Variants in FAXDC2 observed in about 807,000 individuals in gnomAD.
FAXDC2 encodes the protein fatty acid hydroxylase domain-containing protein 2.
A neutral mutation model predicts 40.9 loss-of-function variants in FAXDC2; 41 were observed. That is an observed-to-expected ratio of 1.00 (90% CI 0.78 to 1.30). The LOEUF (loss-of-function observed/expected upper bound fraction) is 1.30, where lower values mean the gene tolerates loss of function less well. Among genes scored for constraint, FAXDC2 ranks in the 50% most tolerant of loss-of-function variants. The pLI, the probability that FAXDC2 is intolerant of heterozygous loss-of-function variation, is 0.00. For synonymous variants in FAXDC2, 157 were observed against 149.3 expected, an observed-to-expected ratio of 1.05 and a Z score of -0.38; for missense variants, 390 against 408.8, an observed-to-expected ratio of 0.95 and a Z score of 0.40.
intron 4 of FAXDC2, among the ~76,000 whole-genome samples, chr5:154,832,216 G>GATT (rs60418216): frequency 3.5e-4 from 47 of 134,946 alleles, no homozygotes; most frequent in Admixed American, 1.1e-3. Context: ...ATTTACTTTT[G>GATT]TTTTTTTTTT....
chr5:154,850,364 G>C (rs1177114643), intron 1 of FAXDC2, 119 bp downstream of exon 1: 1 of 152,276 alleles, frequency 6.6e-6, no homozygotes, highest in Non-Finnish European at 1.5e-5. Context: ...CCTGCCATAA[G>C]TAGAGAGGAC....
chr5:154,825,668 A>AAAAAAAAAAAAAAAG lies in FAXDC2; in HGVS notation c.367-2077_367-2076insCTTTTTTTTTTTTTT, dbSNP rs70981954. Among the ~76,000 whole-genome samples, 147 of 143,402 alleles carry AAAAAAAAAAAAAAAG rather than the reference A, an allele frequency of 1.0e-3. 3 individuals carry two copies. The highest frequency in any genetic ancestry group is 3.7e-3 in the African/African-American group (142 of 38,206). 94.1% of individuals were successfully genotyped at this position (143,402 alleles called of 152,430 possible). Reference sequence around the variant, plus strand: ...TCCGTCTCAAAAAAAAAAAAAAAAAAGCAGTAATATAGACAAGAGAAGATG... The same window carrying AAAAAAAAAAAAAAAG: ...TCCGTCTCAAAAAAAAAAAAAAAAAAAAAAAAAAAAAAAAGGCAGTAATATAGACAAGAGAAGATG... On this transcript the variant is annotated intron_variant, in intron 5 of 8. Coordinates refer to ENST00000326080, the MANE Select transcript of FAXDC2 (RefSeq NM_032385.5).
rs1759801572 is a variant in FAXDC2, at chr5:154,818,902, GCCT to G, written c.*1411_*1413del. ...AACTGTATTCAAGCTGAGGGCAAAA[GCCT>G]CCTAGGGAGGGAGCCAGGTCCACCA... On this transcript the variant is annotated 3_prime_UTR_variant, in exon 9 of 9. Coordinates refer to ENST00000326080, the MANE Select transcript of FAXDC2 (RefSeq NM_032385.5). 6.6e-6 allele frequency: 1 copy of G among 152,224 alleles called. No individual in the cohort carries two copies. Among genetic ancestry groups the G allele is most frequent in the African/African-American group, 2.4e-5 (1 of 41,448 alleles). 9.4% of individuals were successfully genotyped at this position (152,224 alleles called of 1,614,324 possible).
Position 154,834,685 on chromosome 5 carries a change from CT to C in FAXDC2, c.183del (p.Ala62ProfsTer7), listed in dbSNP as rs1204144078. The C allele has an allele frequency of 6.2e-7, 1 of 1,613,398 alleles. No homozygotes were observed. ...RFWGASGYFW[Q>X]AQWERLLTTF... The stretch of plus-strand genomic sequence containing the variant: ...GTAGTCAGCAGCCTCTCCCACTGGG[CT>C]TGCCAAAAGTAGCCAGAAGCACCCC... On this transcript the variant is annotated frameshift_variant, in exon 4 of 9. Transcript: ENST00000326080. LOFTEE classifies it high-confidence loss of function.
At chr5:154,824,423 G>A (rs183062158) in intron 5 of FAXDC2, 22 of 694,596 alleles carry the variant, frequency 3.2e-5, no homozygotes, top group Non-Finnish European at 4.2e-5. Context: ...GCCCCAAAGC[G>A]CGACAGGTTC....
At chr5:154,838,311 C>T in intron 1 of FAXDC2, 133 bp from the exon 2 acceptor site, 2 of 727,482 alleles carry the variant, frequency 2.7e-6, no homozygotes, top group Non-Finnish European at 4.6e-6. Context: ...GTTGTTCTTC[C>T]TGAAACCAGA....
intron 1 of FAXDC2, among the ~76,000 whole-genome samples, chr5:154,839,735 A>AATGT (rs1209720618): frequency 2.0e-5 from 3 of 152,228 alleles, no homozygotes; most frequent in Non-Finnish European, 4.4e-5. Flanking sequence ...GGACCATATG[A>AATGT]ATGTACTAGT....
chr5:154,848,708 T>C (rs1236584186), intron 1 of FAXDC2, among the ~76,000 whole-genome samples: 1 of 152,238 alleles, frequency 6.6e-6, no homozygotes, highest in African/African-American at 2.4e-5. Context: ...GGCTCGCATC[T>C]GTAATCCCAG....
At chr5:154,841,407 G>T (rs1284764987) in intron 1 of FAXDC2, among the ~76,000 whole-genome samples, 1 of 152,118 alleles carries the variant, frequency 6.6e-6, no homozygotes, top group Non-Finnish European at 1.5e-5. Context: ...TGGACTTGGG[G>T]GTTAGAGGGT....
chr5:154,842,528 T>G lies in FAXDC2; in HGVS notation c.1-4350A>C, dbSNP rs1002916502. On this transcript the variant is annotated intron_variant, in intron 1 of 8. Coordinates refer to ENST00000326080, the MANE Select transcript of FAXDC2 (RefSeq NM_032385.5). ...CCTTTGTGTGTTTTTTTTTTTTTTT[T>G]TTTTTTTTTTTTGAGACAGAGTCTC... is the stretch of plus-strand genomic sequence containing the variant. Among the ~76,000 whole-genome samples, 8 of 128,002 alleles carry G rather than the reference T, an allele frequency of 6.2e-5. No individual in the cohort carries two copies. In the East Asian group the frequency reaches 6.6e-4, roughly 11 times the overall value. The allele number at this position is 128,002 out of a possible 152,430, so 84.0% of individuals were successfully genotyped here.
At chr5:154,842,225 TCTCA>T (rs1413496614) in intron 1 of FAXDC2, among the ~76,000 whole-genome samples, 3 of 151,968 alleles carry the variant, frequency 2.0e-5, no homozygotes, top group Admixed American at 6.6e-5. Context: ...TGAGATGGAG[TCTCA>T]CTCTGTCACC....
chr5:154,825,893 A>G (rs1760022138), intron 5 of FAXDC2, among the ~76,000 whole-genome samples: 1 of 152,014 alleles, frequency 6.6e-6, no homozygotes, highest in Admixed American at 6.6e-5. Flanking sequence ...ATCCACTCAG[A>G]TTGGGGAGGT....
intron 1 of FAXDC2, among the ~76,000 whole-genome samples, chr5:154,848,118 C>T (rs559927462): frequency 3.3e-5 from 5 of 152,162 alleles, no homozygotes; most frequent in South Asian, 2.1e-4. Context: ...GGATTACAGG[C>T]GTGAGCCACC....
chr5:154,823,690 GGA>G, intron 5 of FAXDC2, 98 bp from the exon 6 acceptor site: 1 of 999,846 alleles, frequency 1.0e-6, no homozygotes, highest in Non-Finnish European at 1.5e-6. Flanking sequence ...TTGGATTCTG[GGA>G]GAGATGTCGG....
At chr5:154,831,233 T>C (rs143248145) in intron 4 of FAXDC2, 4 of 217,592 alleles carry the variant, frequency 1.8e-5, no homozygotes, top group African/African-American at 9.0e-5. Flanking sequence ...TGAATTCAGG[T>C]TGACATTTGG....
intron 4 of FAXDC2, among the ~76,000 whole-genome samples, chr5:154,833,494 C>T (rs1242244610): frequency 1.3e-5 from 2 of 151,738 alleles, no homozygotes; most frequent in African/African-American, 4.8e-5. Flanking sequence ...TACAGGCACG[C>T]ACCACCACAC....
intron 2 of FAXDC2, among the ~76,000 whole-genome samples, chr5:154,837,636 A>G (rs1254290317): frequency 1.3e-5 from 2 of 152,112 alleles, no homozygotes; most frequent in East Asian, 3.9e-4. Context: ...AGGATTAGAT[A>G]TTTGTTCGGG....
Position 154,821,545 on chromosome 5 carries a change from G to T in FAXDC2, c.679-119C>A, listed in dbSNP as rs544412476. The T allele has an allele frequency of 1.3e-5, 9 of 719,346 alleles. No homozygotes were observed. The East Asian group carries it at 2.6e-4, about 21-fold the overall frequency. The allele number at this position is 719,346 out of a possible 1,614,324, so 44.6% of individuals were successfully genotyped here. A position where few individuals can be genotyped will look rare whatever the true frequency, so the allele number is the denominator to read the frequency against. On this transcript the variant is annotated intron_variant, in intron 7 of 8. Coordinates refer to ENST00000326080, the MANE Select transcript of FAXDC2 (RefSeq NM_032385.5). ...CTTCCTTGACCCAGATCTGGAGAAG[G>T]TGAGAGTTTCGGGACTTTGATTTGT... is the stretch of plus-strand genomic sequence containing the variant.
chr5:154,820,425 C>T lies in FAXDC2; in HGVS notation c.893G>A (p.Gly298Glu), dbSNP rs1289092467. Residue 298 changes from glycine to glutamate, a missense_variant, in exon 9 of 9, where the codon GGG (glycine) becomes GAG (glutamate). By Grantham distance (98) the Gly-to-Glu change is moderately conservative. Coordinates refer to ENST00000326080, the MANE Select transcript of FAXDC2 (RefSeq NM_032385.5). ...GVLGVLDHLH[G>E]TDTMFKQTKA... ...GGTCTGCTTGAACATGGTGTCAGTCCCATGGAGGTGGTCCAGCACACCCAG... is the reference window on the plus strand; with the variant it reads ...GGTCTGCTTGAACATGGTGTCAGTCTCATGGAGGTGGTCCAGCACACCCAG... 1.2e-6 allele frequency: 2 copies of T among 1,613,030 alleles called. No individual in the cohort carries two copies. The highest frequency in any genetic ancestry group is 1.7e-6 in the Non-Finnish European group (2 of 1,179,836).
Sources: gnomAD v4.1 joint callset for allele counts (sites outside exome capture counted in the v4.1 genomes callset) on GRCh38, gnomAD v4.1.1 for gene constraint, MANE v1.5 for transcripts, NCBI Gene and HGNC (gene_info 2026-07-23, HGNC 2026-07-21) for gene names.